Variants in TLE6 observed in about 807,000 individuals in gnomAD.
The protein encoded by TLE6 is transducin-like enhancer protein 6.
Under a neutral mutation model 77.1 loss-of-function variants are expected in TLE6, and 72 were observed. That is an observed-to-expected ratio of 0.93 (90% CI 0.77 to 1.14). TLE6 has a LOEUF of 1.14. Ranked by LOEUF, TLE6 falls within the 50% of genes most tolerant of loss-of-function variation. The pLI, the probability that TLE6 is intolerant of heterozygous loss-of-function variation, is 0.00. For missense variants in TLE6, 843 were observed against 747.6 expected, an observed-to-expected ratio of 1.13 and a Z score of -1.49; for synonymous variants, 366 against 287.3, an observed-to-expected ratio of 1.27 and a Z score of -2.77.
At chr19:2,991,395 TACACACAC>T (rs373594184) in intron 13 of TLE6, among the ~76,000 whole-genome samples, 62 of 114,116 alleles carry the variant, frequency 5.4e-4, no homozygotes, top group Middle Eastern at 9.3e-3. Flanking sequence ...TATATATATA[TACACACAC>T]ACACACACAC....
intron 1 of TLE6, 104 bp from the exon 2 acceptor site, chr19:2,978,094 G>A: frequency 1.2e-6 from 1 of 812,800 alleles, no homozygotes; most frequent in South Asian, 1.6e-5. Flanking sequence ...GGTCCCTGGA[G>A]ACTTACCAAA....
At chr19:2,978,905 G>GT (rs565972693) in intron 2 of TLE6, among the ~76,000 whole-genome samples, 93 of 151,366 alleles carry the variant, frequency 6.1e-4, no homozygotes, top group African/African-American at 1.6e-3. Flanking sequence ...CTGAGCAGAC[G>GT]TTTTTTTTTG....
At chr19:2,987,831 T>A (rs1191213417) in intron 9 of TLE6, 41 bp downstream of exon 9, 1 of 1,613,858 alleles carries the variant, frequency 6.2e-7, no homozygotes. Context: ...CCAGGCGGGA[T>A]GGGGTGGGGG....
chr19:2,986,713 CA>C, intron 5 of TLE6, 115 bp from the exon 6 acceptor site: 1 of 1,108,614 alleles, frequency 9.0e-7, no homozygotes. Flanking sequence ...GACTCTGTCT[CA>C]AAAAAACAAG....
intron 2 of TLE6, among the ~76,000 whole-genome samples, 160 bp from the exon 3 acceptor site, chr19:2,979,940 G>C (rs1188086771): frequency 6.8e-6 from 1 of 147,714 alleles, no homozygotes; most frequent in African/African-American, 2.5e-5. Context: ...CTCCAGCCTG[G>C]GCGACAGAGC....
chr19:2,989,026 A>G (rs1477416644), intron 11 of TLE6, 35 bp from the exon 12 acceptor site: 1 of 1,605,680 alleles, frequency 6.2e-7, no homozygotes, highest in Non-Finnish European at 8.5e-7. Flanking sequence ...GGGGCTCACA[A>G]GCAGGTCAGT....
intron 4 of TLE6, among the ~76,000 whole-genome samples, chr19:2,981,817 C>T (rs1441079835): frequency 2.0e-5 from 3 of 151,354 alleles, no homozygotes; most frequent in Non-Finnish European, 1.5e-5. Flanking sequence ...ACTAAAAATA[C>T]AAAAATTAGC....
chr19:2,987,361 G>A lies in TLE6; in HGVS notation c.547G>A (p.Ala183Thr). 1 of 1,614,046 alleles carries A rather than the reference G, an allele frequency of 6.2e-7. No homozygotes were observed. The highest frequency in any genetic ancestry group is 8.5e-7 in the Non-Finnish European group (1 of 1,180,028). ...CTCCGTTGTCATGGTGACAGAGCAG[G>A]CACCAGGCCTGGTGAGTAAACAACC... The part of the protein sequence containing the change: ...EKAKPRDRQQ[A>T]PGLGQESKAP... Residue 183 changes from alanine (A) to threonine (T), a missense_variant, in exon 8 of 17, where the codon GCA (alanine) becomes ACA (threonine). By Grantham distance (58) the Ala-to-Thr change is moderately conservative (BLOSUM62 0). Coordinates refer to ENST00000246112, the MANE Select transcript of TLE6 (RefSeq NM_001143986.2).
chr19:2,991,977 A>G lies in TLE6; in HGVS notation c.1379A>G (p.Lys460Arg). 6.2e-7 allele frequency: 1 copy of G among 1,613,612 alleles called. No homozygotes were observed. Among genetic ancestry groups the G allele is most frequent in the Non-Finnish European group, 8.5e-7 (1 of 1,179,880 alleles). Reference protein sequence around the residue: ...TIMKPLEYQFKSQIMSLSHSP... With the variant: ...TIMKPLEYQFRSQIMSLSHSP... ...ATGAAACCTCTGGAGTACCAATTCA[A>G]GTCTCAGGTGCGGAGGCCGGGATGG... The change falls in exon 14 of 17, where the codon AAG becomes AGG. Residue 460 changes from lysine to arginine, a missense_variant. Coordinates refer to ENST00000246112, the MANE Select transcript of TLE6 (RefSeq NM_001143986.2).
At position 2,989,673 on chromosome 19, in the gene TLE6, G is replaced by T; in HGVS notation, c.1132G>T (p.Ala378Ser). The change falls in exon 13 of 17, where the codon GCA becomes TCA. Residue 378 changes from alanine to serine, a missense_variant. Coordinates refer to ENST00000246112, the MANE Select transcript of TLE6 (RefSeq NM_001143986.2). ...SLHVKEQLPC[A>S]GLNCQALDAN... is the part of the protein sequence containing the mutation. ...GCATGTGAAGGAGCAGTTGCCCTGT[G>T]CAGGTCTCAACTGCCAGGCCCTGGA... 4 of 1,614,200 alleles carry T rather than the reference G, an allele frequency of 2.5e-6. No homozygotes were observed. The highest frequency in any genetic ancestry group is 3.4e-6 in the Non-Finnish European group (4 of 1,180,030).
chr19:2,987,077 G>T lies in TLE6; in HGVS notation c.380G>T (p.Arg127Met), dbSNP rs376099775. The change falls in exon 7 of 17, where the codon AGG (arginine) becomes ATG (methionine). Residue 127 changes from arginine (R) to methionine (M), a missense_variant. Coordinates refer to ENST00000246112, the MANE Select transcript of TLE6 (RefSeq NM_001143986.2). Reference protein sequence around the residue: ...ESSFEDIMATRSSDWLRRPLG... With the variant: ...ESSFEDIMATMSSDWLRRPLG... The stretch of plus-strand genomic sequence containing the variant: ...AGCTTTGAGGACATCATGGCCACCA[G>T]GTCCTCCGACTGGCTCCGGCGGCCT... 3.1e-6 allele frequency: 5 copies of T among 1,614,190 alleles called. 1 individual carries two copies. In the Middle Eastern group the frequency reaches 4.9e-4, roughly 160 times the overall value.
chr19:2,978,904 CG>C (rs1405260626), intron 2 of TLE6, among the ~76,000 whole-genome samples: 3 of 152,010 alleles, frequency 2.0e-5, no homozygotes, highest in Non-Finnish European at 2.9e-5. Context: ...GCTGAGCAGA[CG>C]TTTTTTTTTG....
Position 2,991,825 on chromosome 19 carries a change from G to A in TLE6, c.1245-18G>A, listed in dbSNP as rs745436896. On this transcript the variant is annotated intron_variant, in intron 13 of 16. Transcript: ENST00000246112. ...CAGAGTCTTGACCTGATTGCCTCCC[G>A]ATGTCCCTTCTGGCCAGGGACCTCA... 30 of 1,612,428 alleles carry A rather than the reference G, an allele frequency of 1.9e-5. No homozygotes were observed. Among genetic ancestry groups the A allele is most frequent in the South Asian group, 1.2e-4 (11 of 91,028 alleles).
At chr19:2,994,736 C>T (rs554886547) in intron 16 of TLE6, among the ~76,000 whole-genome samples, 164 bp from the exon 17 acceptor site, 8 of 152,196 alleles carry the variant, frequency 5.3e-5, no homozygotes, top group South Asian at 2.1e-4. Context: ...TCCAGGAGGT[C>T]GAGGCTGCAG....
At position 2,989,603 on chromosome 19, in the gene TLE6, C is replaced by T. The variant is rs1302228412; in HGVS notation, c.1062C>T (p.Tyr354=). ...GCAGGAGCCTGCTCACCGGTGGCTACAACCTGGCCAGCGTGAGCGTGTGGG... is the reference window on the plus strand; with the variant it reads ...GCAGGAGCCTGCTCACCGGTGGCTATAACCTGGCCAGCGTGAGCGTGTGGG... ...SNSRSLLTGG[Y]NLASVSVWDL... is the part of the protein sequence containing the mutation. Residue 354 remains tyrosine, a synonymous_variant, in exon 13 of 17, where the codon TAC becomes TAT. Coordinates refer to ENST00000246112, the MANE Select transcript of TLE6 (RefSeq NM_001143986.2). The T allele has an allele frequency of 9.9e-6, 16 of 1,613,930 alleles. No homozygotes were observed. The highest frequency in any genetic ancestry group is 1.3e-5 in the African/African-American group (1 of 74,938).
rs752227580 is a variant in TLE6 at position 2,989,108 on chromosome 19, C to A, written c.788C>A (p.Ala263Asp). 2 of 1,614,050 alleles carry A rather than the reference C, an allele frequency of 1.2e-6. No homozygotes were observed. The highest frequency in any genetic ancestry group is 2.7e-5 in the African/African-American group (2 of 74,948). ...DFEDAWKRPDALPGQSKRLAV... is the reference protein window; with the variant it reads ...DFEDAWKRPDDLPGQSKRLAV... ...GAAGATGCATGGAAGAGGCCAGATGCCTTGCCCGGGCAGTCAAAGAGACTC... is the reference window on the plus strand; with the variant it reads ...GAAGATGCATGGAAGAGGCCAGATGACTTGCCCGGGCAGTCAAAGAGACTC... The change falls in exon 12 of 17, where the codon GCC becomes GAC. Residue 263 changes from alanine to aspartate, a missense_variant. Physicochemically the swap from Ala to Asp is moderately radical, Grantham distance 126. Coordinates refer to ENST00000246112, the MANE Select transcript of TLE6 (RefSeq NM_001143986.2).
At chr19:2,986,807 T>G in intron 5 of TLE6, 22 bp from the exon 6 acceptor site, 1 of 1,551,310 alleles carries the variant, frequency 6.4e-7, no homozygotes, top group Non-Finnish European at 8.7e-7. Context: ...ATTTAACTGT[T>G]TTGCTGCCAA....
At position 2,982,175 on chromosome 19, in the gene TLE6, G is replaced by A; in HGVS notation, c.208G>A (p.Glu70Lys). The change falls in exon 5 of 17, where the codon GAA (glutamate) becomes AAA (lysine). Residue 70 changes from glutamate (E) to lysine (K), a missense_variant. Coordinates refer to ENST00000246112, the MANE Select transcript of TLE6 (RefSeq NM_001143986.2). Reference sequence around the variant, plus strand: ...GCACAAGATCCAGCAGGATGTGGCAGAACATCACAAGCAGGTGGGTGACCA... The same window carrying A: ...GCACAAGATCCAGCAGGATGTGGCAAAACATCACAAGCAGGTGGGTGACCA... ...SLHKIQQDVAEHHKQIGNVLQ... is the reference protein window; with the variant it reads ...SLHKIQQDVAKHHKQIGNVLQ... 2 of 1,551,444 alleles carry A rather than the reference G, an allele frequency of 1.3e-6. No individual in the cohort carries two copies. Among genetic ancestry groups the A allele is most frequent in the Non-Finnish European group, 1.7e-6 (2 of 1,146,930 alleles).
At position 2,980,239 on chromosome 19, in the gene TLE6, T is replaced by C. The variant is rs571437964; in HGVS notation, c.134+57T>C. 33 of 1,443,902 alleles carry C rather than the reference T, an allele frequency of 2.3e-5. No homozygotes were observed. In the African/African-American group the frequency reaches 4.5e-4, roughly 20 times the overall value. 89.4% of individuals were successfully genotyped at this position (1,443,902 alleles called of 1,614,324 possible). On this transcript the variant is annotated intron_variant, in intron 3 of 16. Transcript: ENST00000246112. ...CGCTGGGAAGGAGCCCCACCTGGCC[T>C]CTCTCCCGGGGGTCCTAGTGAGTGG...
Sources: gnomAD v4.1 joint callset for allele counts (sites outside exome capture counted in the v4.1 genomes callset) on GRCh38, gnomAD v4.1.1 for gene constraint, MANE v1.5 for transcripts, NCBI Gene and HGNC (gene_info 2026-07-23, HGNC 2026-07-21) for gene names.